Variants in ESPL1 observed in about 807,000 individuals in gnomAD.
ESPL1 encodes the protein extra spindle pole bodies like 1, separase, also known as separin.
A neutral mutation model predicts 217.2 loss-of-function variants in ESPL1; 50 were observed. That is an observed-to-expected ratio of 0.23 (90% CI 0.18 to 0.29). The LOEUF is 0.29. Among genes scored for constraint, ESPL1 ranks in the 10% least tolerant of loss-of-function variants. The probability of loss-of-function intolerance (pLI) is 1.00; values close to 1 mark genes in which losing one functional copy is unlikely to be tolerated. For missense variants in ESPL1, 1,834 were observed against 2,603.0 expected, an observed-to-expected ratio of 0.70 and a Z score of 6.43; for synonymous variants, 994 against 1,081.3, an observed-to-expected ratio of 0.92 and a Z score of 1.58.
At chr12:53,288,382 G>A in intron 19 of ESPL1, 41 bp downstream of exon 19, 1 of 1,551,090 alleles carries the variant, frequency 6.4e-7, no homozygotes, top group Non-Finnish European at 8.7e-7. Flanking sequence ...ATGTTTTGGG[G>A]GTTTGTTCTG....
At chr12:53,288,949 C>CA in intron 20 of ESPL1, 141 bp from the exon 21 acceptor site, 1 of 748,936 alleles carries the variant, frequency 1.3e-6, no homozygotes, top group Admixed American at 2.3e-5. Flanking sequence ...CATGGCACCC[C>CA]ACTTGGCACA....
chr12:53,291,203 G>A (rs758365419), intron 25 of ESPL1, among the ~76,000 whole-genome samples: 1 of 152,084 alleles, frequency 6.6e-6, no homozygotes, highest in Non-Finnish European at 1.5e-5. Flanking sequence ...TCGGGAGGCT[G>A]TAGCAGGAGA....
intron 12 of ESPL1, among the ~76,000 whole-genome samples, chr12:53,281,263 G>A (rs766361738): frequency 4.7e-5 from 7 of 149,440 alleles, no homozygotes; most frequent in South Asian, 4.3e-4. Context: ...TCAGCCTCCC[G>A]AGTAGCTGGG....
chr12:53,282,522 G>A lies in ESPL1; in HGVS notation c.2791+87G>A. On this transcript the variant is annotated intron_variant, in intron 14 of 30. Transcript: ENST00000257934. This position sits in a 1 kb window ranked among gnomAD's most constrained non-coding sequence, Gnocchi z 4.0. ...CTTCTCAAACCTCATCCCCTCTGCTGGCTAACTATGTGGCCCAGCCTACCT... is the reference window on the plus strand; with the variant it reads ...CTTCTCAAACCTCATCCCCTCTGCTAGCTAACTATGTGGCCCAGCCTACCT... The A allele has an allele frequency of 8.6e-6, 11 of 1,277,932 alleles. No homozygotes were observed. The highest frequency in any genetic ancestry group is 1.3e-5 in the South Asian group (1 of 75,016). 79.2% of individuals were successfully genotyped at this position (1,277,932 alleles called of 1,614,324 possible). A position where few individuals can be genotyped will look rare whatever the true frequency, so the allele number is the denominator to read the frequency against.
intron 18 of ESPL1, 102 bp downstream of exon 18, chr12:53,287,014 A>C: frequency 8.6e-7 from 1 of 1,166,316 alleles, no homozygotes; most frequent in Non-Finnish European, 1.2e-6. Context: ...ATAGCTCCCC[A>C]GGGCCTAGTG....
chr12:53,291,008 A>T lies in ESPL1; in HGVS notation c.5520+12A>T. On this transcript the variant is annotated intron_variant, in intron 25 of 30. Coordinates refer to ENST00000257934, the MANE Select transcript of ESPL1 (RefSeq NM_012291.5). ...GCACTCTGCTGAAAGTGAGTGAGGAAAGCAGGGAAGGGGGCCAGGCCCAGT... is the reference window on the plus strand; with the variant it reads ...GCACTCTGCTGAAAGTGAGTGAGGATAGCAGGGAAGGGGGCCAGGCCCAGT... 1 of 1,567,952 alleles carries T rather than the reference A, an allele frequency of 6.4e-7. No individual in the cohort carries two copies. The highest frequency in any genetic ancestry group is 1.2e-5 in the South Asian group (1 of 85,556).
chr12:53,277,658 G>A (rs529022676), intron 10 of ESPL1, 50 bp downstream of exon 10: 14 of 1,604,178 alleles, frequency 8.7e-6, no homozygotes, highest in South Asian at 7.8e-5. Context: ...CTTCCTAAGA[G>A]TGGAACAGGG....
chr12:53,274,904 G>A lies in ESPL1; in HGVS notation c.1594G>A (p.Ala532Thr). Residue 532 changes from alanine (A) to threonine (T), a missense_variant, in exon 7 of 31, where the codon GCA becomes ACA. This residue lies in a region of ESPL1 where 746 missense variants were observed against 1,077.0 expected (regional missense o/e 0.69). Coordinates refer to ENST00000257934, the MANE Select transcript of ESPL1 (RefSeq NM_012291.5). ...QGCKMVILWL[A>T]ALQPCSPEHM... ...CTGCAAGATGGTGATTTTGTGGCTG[G>A]CAGCCCTGCAACCCTGTAGCCCTGA... The A allele has an allele frequency of 6.2e-7, 1 of 1,612,988 alleles. No individual in the cohort carries two copies. The highest frequency in any genetic ancestry group is 2.2e-5 in the East Asian group (1 of 44,870).
Position 53,277,205 on chromosome 12 carries a change from C to A in ESPL1, c.2063C>A (p.Thr688Asn), listed in dbSNP as rs1442835773. 2.5e-6 allele frequency: 4 copies of A among 1,611,110 alleles called. No individual in the cohort carries two copies. The East Asian group carries it at 8.9e-5, about 36-fold the overall frequency. Residue 688 changes from threonine (T) to asparagine (N), a missense_variant, in exon 9 of 31, where the codon ACT becomes AAT. Physicochemically the swap from Thr to Asn is moderately conservative, Grantham distance 65. Around this residue, in one of 5 missense-constraint regions of ESPL1, gnomAD observed 746 missense variants for 1,077.0 expected, o/e 0.69. Transcript: ENST00000257934. ...AQALLWLYICTLEAKMQEGIE... is the reference protein window; with the variant it reads ...AQALLWLYICNLEAKMQEGIE... ...GCCTTGCTGTGGCTTTACATCTGTA[C>A]TCTGGAAGCCAAAATGCAGGAAGTG...
Position 53,292,908 on chromosome 12 carries a change from C to A in ESPL1, c.6099C>A (p.Ala2033=). Reference sequence around the variant, plus strand: ...TGCTGTTTGGCTGTAGCAGTGCGGCCCTGGCTGTGCGTGGAAACCTGGAGG... The same window carrying A: ...TGCTGTTTGGCTGTAGCAGTGCGGCACTGGCTGTGCGTGGAAACCTGGAGG... ...VALLFGCSSA[A]LAVRGNLEGA... The change falls in exon 30 of 31, where the codon GCC becomes GCA. Residue 2033 remains alanine, a synonymous_variant. Coordinates refer to ENST00000257934, the MANE Select transcript of ESPL1 (RefSeq NM_012291.5). The surrounding 1 kb of genome is among the most constrained non-coding windows in gnomAD (Gnocchi z 4.5). 4 of 1,613,918 alleles carry A rather than the reference C, an allele frequency of 2.5e-6. No individual in the cohort carries two copies. Among genetic ancestry groups the A allele is most frequent in the Non-Finnish European group, 3.4e-6 (4 of 1,180,036 alleles).
intron 8 of ESPL1, 42 bp downstream of exon 8, chr12:53,276,901 C>T: frequency 6.3e-7 from 1 of 1,599,750 alleles, no homozygotes; most frequent in Non-Finnish European, 8.5e-7. Context: ...GCTCCTTGCC[C>T]TAGGTCCTCT....
chr12:53,272,885 G>C, intron 6 of ESPL1, 28 bp downstream of exon 6: 1 of 1,611,396 alleles, frequency 6.2e-7, no homozygotes, highest in Non-Finnish European at 8.5e-7. Context: ...ATGCAGGAAA[G>C]GAGCTTATGT....
chr12:53,289,742 AG>A (rs1181222293), intron 22 of ESPL1, 148 bp downstream of exon 22: 2 of 700,688 alleles, frequency 2.9e-6, no homozygotes, highest in Non-Finnish European at 4.6e-6. Flanking sequence ...ATCTTACATC[AG>A]GAAGGTTTGT....
At position 53,287,972 on chromosome 12, in the gene ESPL1, G is replaced by A. The variant is rs1212748488; in HGVS notation, c.4177G>A (p.Val1393Met). ...CTTCACCCTTTCACTCTGATCTCAG[G>A]TGAACTTCAGTGATGACAGTGACTT... Reference protein sequence around the residue: ...VQQRVQTRLKVNFSDDSDLED... With the variant: ...VQQRVQTRLKMNFSDDSDLED... Residue 1393 changes from valine (V) to methionine (M), a missense_variant and splice_region_variant, in exon 19 of 31, where the codon GTG (valine) becomes ATG (methionine). Physicochemically the swap from Val to Met is conservative, Grantham distance 21. Around this residue, in one of 5 missense-constraint regions of ESPL1, gnomAD observed 681 missense variants for 808.0 expected, o/e 0.84. Transcript: ENST00000257934. 6.3e-7 allele frequency: 1 copy of A among 1,594,384 alleles called. No homozygotes were observed.
Position 53,282,165 on chromosome 12 carries a change from C to A in ESPL1, c.2620-99C>A. 1 of 934,828 alleles carries A rather than the reference C, an allele frequency of 1.1e-6. No homozygotes were observed. Among genetic ancestry groups the A allele is most frequent in the South Asian group, 1.5e-5 (1 of 68,886 alleles). The allele number at this position is 934,828 out of a possible 1,614,324, so 57.9% of individuals were successfully genotyped here. ...AAAATTCTAAAATCTTTCTAATACCCAGGGCCTTCAGGGATGGGGCCACGT... is the reference window on the plus strand; with the variant it reads ...AAAATTCTAAAATCTTTCTAATACCAAGGGCCTTCAGGGATGGGGCCACGT... On this transcript the variant is annotated intron_variant, in intron 13 of 30. Coordinates refer to ENST00000257934, the MANE Select transcript of ESPL1 (RefSeq NM_012291.5). This position sits in a 1 kb window ranked among gnomAD's most constrained non-coding sequence, Gnocchi z 4.0.
At chr12:53,280,470 TTTCCAC>T (rs953209730) in intron 12 of ESPL1, among the ~76,000 whole-genome samples, 1 of 151,012 alleles carries the variant, frequency 6.6e-6, no homozygotes, top group Non-Finnish European at 1.5e-5. Context: ...TCCATTTCCA[TTTCCAC>T]TTCCACGTCA....
rs1943624249 is a variant in ESPL1 at position 53,269,343 on chromosome 12, A to G, written c.401A>G (p.Glu134Gly). ...GCCTGCTTGGTGCAGTGCTCTCGCGAGGCTGCTCCCCAGGACTATGAGGCC... is the reference window on the plus strand; with the variant it reads ...GCCTGCTTGGTGCAGTGCTCTCGCGGGGCTGCTCCCCAGGACTATGAGGCC... ...LHACLVQCSR[E>G]AAPQDYEAVA... is the part of the protein sequence containing the mutation. The change falls in exon 3 of 31, where the codon GAG becomes GGG. Residue 134 changes from glutamate (E) to glycine (G), a missense_variant. By Grantham distance (98) the Glu-to-Gly change is moderately conservative (BLOSUM62 -2). Transcript: ENST00000257934. The surrounding 1 kb of genome is among the most constrained non-coding windows in gnomAD (Gnocchi z 6.7). The G allele has an allele frequency of 6.2e-7, 1 of 1,614,090 alleles. No individual in the cohort carries two copies. Among genetic ancestry groups the G allele is most frequent in the Non-Finnish European group, 8.5e-7 (1 of 1,180,022 alleles).
Position 53,282,814 on chromosome 12 carries a change from C to T in ESPL1, c.2792-315C>T, listed in dbSNP as rs866402792. Among the ~76,000 whole-genome samples the T allele has an allele frequency of 2.6e-5, 4 of 152,302 alleles. No homozygotes were observed. Among genetic ancestry groups the T allele is most frequent in the Middle Eastern group, 3.4e-3 (1 of 294 alleles). ...GATTACTGGCATGCGCCACTACGCCCGACTAATTTTTGTATTATTAGTAGA... is the reference window on the plus strand; with the variant it reads ...GATTACTGGCATGCGCCACTACGCCTGACTAATTTTTGTATTATTAGTAGA... On this transcript the variant is annotated intron_variant, in intron 14 of 30. Transcript: ENST00000257934. This position sits in a 1 kb window ranked among gnomAD's most constrained non-coding sequence, Gnocchi z 4.0.
chr12:53,276,839 C>T lies in ESPL1; in HGVS notation c.1920C>T (p.Asp640=). The T allele has an allele frequency of 1.2e-6, 2 of 1,613,826 alleles. No homozygotes were observed. The highest frequency in any genetic ancestry group is 2.2e-5 in the South Asian group (2 of 91,086). Residue 640 remains aspartate, a synonymous_variant, in exon 8 of 31, where the codon GAC becomes GAT. Coordinates refer to ENST00000257934, the MANE Select transcript of ESPL1 (RefSeq NM_012291.5). The part of the protein sequence containing the change: ...VELAQVLCYH[D]FTQQTNCSAL... ...TGGCTCAGGTGCTCTGCTACCACGA[C>T]TTTACGCAGCAGACCAACTGGTAAG...
Sources: allele counts gnomAD v4.1 joint callset (sites outside exome capture counted in the v4.1 genomes callset), GRCh38; gene constraint gnomAD v4.1.1; regional missense constraint gnomAD v4.1.1; non-coding constraint Gnocchi (gnomAD v3.1); transcripts MANE v1.5; gene names NCBI Gene and HGNC (gene_info 2026-07-23, HGNC 2026-07-21).